DLG2: variants seen among roughly 807,000 people sequenced by gnomAD.
The protein encoded by DLG2 is discs large MAGUK scaffold protein 2.
A neutral mutation model predicts 132.5 loss-of-function variants in DLG2; 45 were observed. That is an observed-to-expected ratio of 0.34 (90% confidence interval 0.27 to 0.44). DLG2 has a LOEUF of 0.44. Among genes scored for constraint, DLG2 ranks in the 20% least tolerant of loss-of-function variants. DLG2 has a pLI of 1.00. For missense variants in DLG2, 1,045 were observed against 1,196.9 expected (o/e 0.87, Z 1.87); for synonymous variants, 424 against 419.6 (o/e 1.01, Z -0.13).
At chr11:83,955,873 T>G (rs1285284388) in intron 14 of DLG2, among the ~76,000 whole-genome samples, 1 of 152,190 alleles carries the variant, frequency 6.6e-6, no homozygotes, top group Non-Finnish European at 1.5e-5. Context: ...CTCTTGGACC[T>G]TTGACCACAG....
intron 8 of DLG2, among the ~76,000 whole-genome samples, chr11:84,185,362 GCT>G (rs1296713327): frequency 3.3e-5 from 5 of 151,972 alleles, no homozygotes; most frequent in African/African-American, 9.7e-5. Flanking sequence ...TCATGATTTG[GCT>G]CTCTGTTTGT....
At chr11:84,316,781 C>A in intron 7 of DLG2, 1 of 1,539,318 alleles carries the variant, frequency 6.5e-7, no homozygotes, top group South Asian at 1.2e-5. Flanking sequence ...CTTGCTCTCA[C>A]TTTCTTCAGA....
At chr11:84,410,560 A>T (rs967768764) in intron 7 of DLG2, among the ~76,000 whole-genome samples, 1 of 151,398 alleles carries the variant, frequency 6.6e-6, no homozygotes, top group Non-Finnish European at 1.5e-5. Flanking sequence ...ATCATTTTTT[A>T]AAAACCACAT....
intron 8 of DLG2, among the ~76,000 whole-genome samples, chr11:84,193,916 T>G (rs1379303844): frequency 6.6e-6 from 1 of 152,126 alleles, no homozygotes; most frequent in Non-Finnish European, 1.5e-5. Context: ...GAATCCTACA[T>G]TACCACAGAA....
chr11:85,061,346 T>C (rs1217363073), intron 6 of DLG2, among the ~76,000 whole-genome samples: 1 of 151,828 alleles, frequency 6.6e-6, no homozygotes, highest in East Asian at 1.9e-4. Flanking sequence ...TTTCTACAAA[T>C]TATTTCAAGA....
At chr11:84,967,319 TACTC>T (rs1375401994) in intron 6 of DLG2, among the ~76,000 whole-genome samples, 1 of 152,016 alleles carries the variant, frequency 6.6e-6, no homozygotes, top group Non-Finnish European at 1.5e-5. Flanking sequence ...AGTGAAAAAT[TACTC>T]ACTAAGAAAT....
At chr11:83,799,948 G>A (rs1420915481) in intron 17 of DLG2, among the ~76,000 whole-genome samples, 2 of 152,174 alleles carry the variant, frequency 1.3e-5, no homozygotes, top group East Asian at 3.8e-4. Flanking sequence ...GGGATAATAA[G>A]AGTACCACAT....
intron 3 of DLG2, among the ~76,000 whole-genome samples, chr11:85,574,369 T>A (rs1264511441): frequency 6.6e-6 from 1 of 151,854 alleles, no homozygotes. Flanking sequence ...ATATGCTGCT[T>A]TCCTACACTT....
At chr11:83,947,965 T>C (rs1301065805) in intron 14 of DLG2, among the ~76,000 whole-genome samples, 1 of 152,174 alleles carries the variant, frequency 6.6e-6, no homozygotes, top group Non-Finnish European at 1.5e-5. Flanking sequence ...TATAAAGTCA[T>C]AGGAATTAAA....
intron 19 of DLG2, among the ~76,000 whole-genome samples, chr11:83,583,300 G>T (rs1416589910): frequency 6.6e-6 from 1 of 152,160 alleles, no homozygotes; most frequent in African/African-American, 2.4e-5. Context: ...TCCAGAGAAG[G>T]CTGCCCTCTT....
chr11:84,155,692 C>A (rs1224496653), intron 9 of DLG2, among the ~76,000 whole-genome samples: 1 of 151,910 alleles, frequency 6.6e-6, no homozygotes, highest in African/African-American at 2.4e-5. Flanking sequence ...TAACCAAAAC[C>A]AATAAACCAC....
At chr11:83,830,096 A>C (rs549169191) in intron 17 of DLG2, among the ~76,000 whole-genome samples, 1 of 152,352 alleles carries the variant, frequency 6.6e-6, no homozygotes, top group Admixed American at 6.5e-5. Flanking sequence ...TGATATACTA[A>C]GGAAAAATGT....
chr11:85,035,257 T>A (rs2061349056), intron 6 of DLG2, among the ~76,000 whole-genome samples: 1 of 152,164 alleles, frequency 6.6e-6, no homozygotes, highest in South Asian at 2.1e-4. Context: ...AAGATGGAAA[T>A]GGGAAACTTA....
At chr11:84,607,847 C>T (rs1358197199) in intron 6 of DLG2, among the ~76,000 whole-genome samples, 2 of 152,026 alleles carry the variant, frequency 1.3e-5, no homozygotes, top group African/African-American at 4.8e-5. Flanking sequence ...CTCTGGTAAG[C>T]ACTCTAAAAA....
chr11:84,413,818 T>C (rs1026057551), intron 7 of DLG2, among the ~76,000 whole-genome samples: 1 of 152,180 alleles, frequency 6.6e-6, no homozygotes, highest in Non-Finnish European at 1.5e-5. Context: ...CTGACAGATA[T>C]GGTAATGCAG....
intron 7 of DLG2, among the ~76,000 whole-genome samples, chr11:84,311,836 C>T (rs1229221668): frequency 6.6e-6 from 1 of 152,204 alleles, no homozygotes; most frequent in Non-Finnish European, 1.5e-5. Flanking sequence ...GAACTGTGTG[C>T]ACAGGCACCA....
At chr11:83,480,835 T>C (rs1192730038) in intron 22 of DLG2, among the ~76,000 whole-genome samples, 1 of 152,086 alleles carries the variant, frequency 6.6e-6, no homozygotes, top group Admixed American at 6.6e-5. Flanking sequence ...CTTTTTTATT[T>C]CTCAATTTTA....
At chr11:85,552,215 A>G (rs911879066) in intron 3 of DLG2, among the ~76,000 whole-genome samples, 3 of 151,622 alleles carry the variant, frequency 2.0e-5, no homozygotes, top group South Asian at 4.2e-4. Flanking sequence ...CAAAACTCCA[A>G]TCTCACAACG....
chr11:83,864,203 C>T (rs2061906937), intron 16 of DLG2, among the ~76,000 whole-genome samples: 2 of 152,180 alleles, frequency 1.3e-5, no homozygotes, highest in Admixed American at 6.5e-5. Flanking sequence ...GAAATTCCAC[C>T]CGAACAGTGC....
Sources: allele counts gnomAD v4.1 joint callset (sites outside exome capture counted in the v4.1 genomes callset), GRCh38; gene constraint gnomAD v4.1.1; transcripts MANE v1.5; gene names NCBI Gene and HGNC (gene_info 2026-07-23, HGNC 2026-07-21).